The following DLG2 variants were observed in gnomAD, a reference collection of about 807,000 sequenced individuals.
The protein encoded by DLG2 is discs large MAGUK scaffold protein 2, also known as disks large homolog 2.
DLG2 carries 45 observed loss-of-function variants against 132.5 expected under a neutral mutation model. The observed-to-expected ratio is 0.34, with a 90% CI of 0.27 to 0.44. DLG2 has a LOEUF of 0.44. Ranked by LOEUF, DLG2 falls within the 20% of genes least tolerant of loss-of-function variation. DLG2 has a pLI of 1.00. For missense variants in DLG2, 1,045 were observed against 1,196.9 expected (o/e 0.87, Z 1.87); for synonymous variants, 424 against 419.6 (o/e 1.01, Z -0.13).
chr11:83,562,451 G>A (rs2096628561), intron 19 of DLG2, among the ~76,000 whole-genome samples: 2 of 152,052 alleles, frequency 1.3e-5, no homozygotes, highest in East Asian at 1.9e-4. Context: ...CTGGGGAGTT[G>A]TTAGATGGTG....
chr11:83,650,707 T>A lies in DLG2; in HGVS notation c.1826-17382A>T, dbSNP rs1242806662. 2.0e-5 allele frequency among the ~76,000 whole-genome samples: 3 copies of A among 152,224 alleles called. No homozygotes were observed. In the East Asian group the frequency reaches 5.8e-4, roughly 29 times the overall value. ...TGCTTTAAAAATTCCACATCTAGGC[T>A]ATTAGCAAAATTCATACACAAATTC... On this transcript the variant is annotated intron_variant, in intron 18 of 27. Transcript: ENST00000376104.
At chr11:84,226,671 A>G (rs955889575) in intron 8 of DLG2, among the ~76,000 whole-genome samples, 1 of 152,222 alleles carries the variant, frequency 6.6e-6, no homozygotes, top group African/African-American at 2.4e-5. Context: ...AACTATCAAA[A>G]AAACAAAAAT....
chr11:85,115,173 C>T (rs1168476568), intron 5 of DLG2, among the ~76,000 whole-genome samples: 1 of 151,594 alleles, frequency 6.6e-6, no homozygotes, highest in Non-Finnish European at 1.5e-5. Flanking sequence ...CCCTCAGTTA[C>T]CAAAATACAC....
chr11:84,266,575 T>C (rs1306382910), intron 7 of DLG2, among the ~76,000 whole-genome samples: 1 of 152,162 alleles, frequency 6.6e-6, no homozygotes, highest in Non-Finnish European at 1.5e-5. Flanking sequence ...GAATCCAACA[T>C]GATTGAGGAT....
At position 83,790,610 on chromosome 11, in the gene DLG2, T is replaced by C; in HGVS notation, c.1723-3818A>G. The C allele has an allele frequency of 3.1e-6, 4 of 1,306,564 alleles. 1 individual carries two copies. In the South Asian group the frequency reaches 4.7e-5, roughly 15 times the overall value. The allele number at this position is 1,306,564 out of a possible 1,614,324, so 80.9% of individuals were successfully genotyped here. A position where few individuals can be genotyped will look rare whatever the true frequency, so the allele number is the denominator to read the frequency against. The stretch of plus-strand genomic sequence containing the variant: ...TGCCAGTAAGTCCACTGAAGTTCCT[T>C]TGGATTTGATTATTTTGCATTGGAG... On this transcript the variant is annotated intron_variant, in intron 17 of 27. Coordinates refer to ENST00000376104, the MANE Select transcript of DLG2 (RefSeq NM_001142699.3).
intron 5 of DLG2, among the ~76,000 whole-genome samples, chr11:85,117,158 A>G (rs1368649375): frequency 1.3e-5 from 2 of 152,062 alleles, no homozygotes; most frequent in African/African-American, 2.4e-5. Flanking sequence ...ACAACCCTCC[A>G]TATAGGGTGG....
intron 6 of DLG2, among the ~76,000 whole-genome samples, chr11:85,000,176 G>A (rs1026703073): frequency 2.0e-5 from 3 of 152,136 alleles, no homozygotes; most frequent in Non-Finnish European, 4.4e-5. Context: ...GTCAGGTAAA[G>A]AGTGTGTGCT....
intron 3 of DLG2, among the ~76,000 whole-genome samples, chr11:85,510,899 G>T (rs1400082793): frequency 6.6e-6 from 1 of 152,128 alleles, no homozygotes; most frequent in East Asian, 1.9e-4. Flanking sequence ...TATAAATCAT[G>T]CTGCTATAAA....
At chr11:84,994,041 G>GA (rs1412753058) in intron 6 of DLG2, among the ~76,000 whole-genome samples, 1 of 151,956 alleles carries the variant, frequency 6.6e-6, no homozygotes, top group Non-Finnish European at 1.5e-5. Flanking sequence ...AGTAAAATTA[G>GA]AAAAAGAAAT....
intron 6 of DLG2, among the ~76,000 whole-genome samples, chr11:85,046,009 T>C (rs1023147811): frequency 6.6e-6 from 1 of 152,030 alleles, no homozygotes; most frequent in African/African-American, 2.4e-5. Context: ...ATTTTGCTTC[T>C]TTGAGTCTCA....
At chr11:84,338,777 G>A (rs1210148411) in intron 7 of DLG2, among the ~76,000 whole-genome samples, 2 of 152,124 alleles carry the variant, frequency 1.3e-5, no homozygotes, top group African/African-American at 2.4e-5. Context: ...CTGCACTCCA[G>A]CCTGGGTGAC....
chr11:85,475,862 T>C (rs1487705550), intron 3 of DLG2, among the ~76,000 whole-genome samples: 1 of 152,128 alleles, frequency 6.6e-6, no homozygotes, highest in African/African-American at 2.4e-5. Context: ...ATCCATGCTC[T>C]TAACTACAAC....
chr11:83,734,540 T>A (rs1303001865), intron 18 of DLG2, among the ~76,000 whole-genome samples: 1 of 152,072 alleles, frequency 6.6e-6, no homozygotes, highest in African/African-American at 2.4e-5. Context: ...AACCTCTGCC[T>A]CACAGGTTCA....
intron 6 of DLG2, among the ~76,000 whole-genome samples, chr11:84,621,813 G>GT (rs2099614470): frequency 6.6e-6 from 1 of 152,078 alleles, no homozygotes; most frequent in Non-Finnish European, 1.5e-5. Flanking sequence ...GTGTGTGGCT[G>GT]TAAGATGCTT....
chr11:83,462,972 A>G (rs1415278050), intron 26 of DLG2, among the ~76,000 whole-genome samples: 1 of 152,152 alleles, frequency 6.6e-6, no homozygotes, highest in Non-Finnish European at 1.5e-5. Context: ...GCCAAATGCA[A>G]TTTGGTTGGC....
intron 8 of DLG2, among the ~76,000 whole-genome samples, chr11:84,188,544 T>C (rs1233477118): frequency 1.3e-5 from 2 of 152,126 alleles, no homozygotes; most frequent in African/African-American, 4.8e-5. Context: ...CCAGACTCTT[T>C]CAGAATCTTT....
chr11:85,511,037 C>T (rs1459505539), intron 3 of DLG2, among the ~76,000 whole-genome samples: 1 of 152,024 alleles, frequency 6.6e-6, no homozygotes, highest in Non-Finnish European at 1.5e-5. Flanking sequence ...GAATACTATG[C>T]AGCCATAAAA....
chr11:85,407,150 G>A (rs1270617750), intron 3 of DLG2, among the ~76,000 whole-genome samples: 1 of 151,826 alleles, frequency 6.6e-6, no homozygotes, highest in Non-Finnish European at 1.5e-5. Context: ...AGTAGTGGAG[G>A]TAGAGGGACC....
intron 7 of DLG2, among the ~76,000 whole-genome samples, chr11:84,489,870 T>C (rs2099160305): frequency 6.6e-6 from 1 of 150,988 alleles, no homozygotes; most frequent in Non-Finnish European, 1.5e-5. Context: ...CGGAGGACTA[T>C]AAGAAAGAAG....
Sources: gnomAD v4.1 joint callset for allele counts (sites outside exome capture counted in the v4.1 genomes callset) on GRCh38, gnomAD v4.1.1 for gene constraint, MANE v1.5 for transcripts, NCBI Gene and HGNC (gene_info 2026-07-23, HGNC 2026-07-21) for gene names.